The following CLCN6 variants were observed in gnomAD, a reference collection of about 807,000 sequenced individuals.
CLCN6 encodes H(+)/Cl(-) exchange transporter 6.
In CLCN6, 70 loss-of-function variants were observed where a neutral mutation model predicts 109.8. That is an observed-to-expected ratio of 0.64 (90% CI 0.53 to 0.78). The LOEUF is 0.78. Ranked by LOEUF, CLCN6 falls within the 30% of genes least tolerant of loss-of-function variation. The pLI, the probability that CLCN6 is intolerant of heterozygous loss-of-function variation, is 0.00. For missense variants in CLCN6, 984 were observed against 1,142.3 expected (o/e 0.86, Z 2.00); for synonymous variants, 444 against 447.8 (o/e 0.99, Z 0.11).
chr1:11,829,154 C>T, intron 12 of CLCN6, 42 bp from the exon 13 acceptor site: 1 of 1,601,914 alleles, frequency 6.2e-7, no homozygotes, highest in Non-Finnish European at 8.5e-7. Context: ...GAGACCAGAG[C>T]TTCTTTCTGT....
chr1:11,829,166 G>A (rs201000934), intron 12 of CLCN6, 30 bp from the exon 13 acceptor site: 114 of 1,606,262 alleles, frequency 7.1e-5, no homozygotes, highest in Non-Finnish European at 9.6e-5. Context: ...TCTTTCTGTG[G>A]CGTTGTAACA....
At chr1:11,808,851 C>CTT (rs201225126) in intron 2 of CLCN6, among the ~76,000 whole-genome samples, 1 of 150,836 alleles carries the variant, frequency 6.6e-6, no homozygotes, top group Non-Finnish European at 1.5e-5. Context: ...TGTTCTATTT[C>CTT]TTTTTTTTTC....
In CLCN6 at chr1:11,843,025, A is replaced by C. The variant is rs1465351610; in HGVS notation, c.*2802A>C. On this transcript the variant is annotated 3_prime_UTR_variant, in exon 23 of 23. Coordinates refer to ENST00000346436, the MANE Select transcript of CLCN6 (RefSeq NM_001286.5). ...GTTAGCTAATTCCACTGTGTATATA[A>C]ATTGTATTTTTTTTAATTTGTAAAA... The C allele has an allele frequency of 6.6e-6, 1 of 152,152 alleles. No individual in the cohort carries two copies. Among genetic ancestry groups the C allele is most frequent in the Non-Finnish European group, 1.5e-5 (1 of 68,032 alleles). The allele number at this position is 152,152 out of a possible 1,614,324, so 9.4% of individuals were successfully genotyped here.
intron 10 of CLCN6, among the ~76,000 whole-genome samples, chr1:11,827,644 G>A (rs1570531855): frequency 8.6e-6 from 1 of 116,296 alleles, no homozygotes; most frequent in Non-Finnish European, 1.9e-5. Context: ...GACATCAGGT[G>A]ATCCACCCGC....
At chr1:11,840,083 C>T (rs1457048132) in intron 22 of CLCN6, 60 bp from the exon 23 acceptor site, 13 of 1,398,320 alleles carry the variant, frequency 9.3e-6, no homozygotes, top group Non-Finnish European at 1.3e-5. Context: ...GCTCCTGTCA[C>T]TCCTGTTCTC....
At chr1:11,810,404 C>T (rs1644582476) in intron 2 of CLCN6, among the ~76,000 whole-genome samples, 2 of 152,140 alleles carry the variant, frequency 1.3e-5, no homozygotes, top group African/African-American at 4.8e-5. Context: ...ACACTCAGAA[C>T]GTAAGACTTA....
rs1454385418 is a variant in CLCN6 at position 11,833,607 on chromosome 1, G to A, written c.1341G>A (p.Glu447=). 6.2e-7 allele frequency: 1 copy of A among 1,613,892 alleles called. No individual in the cohort carries two copies. The highest frequency in any genetic ancestry group is 1.3e-5 in the African/African-American group (1 of 75,042). ...CCACACTCTTCTTCAACCCGCAGGA[G>A]TCTGCCATCCTCCAGCTCTTCCACC... ...DMATLFFNPQ[E]SAILQLFHQD... Residue 447 remains glutamate (E), a synonymous_variant, in exon 14 of 23, where the codon GAG becomes GAA. Transcript: ENST00000346436.
At chr1:11,818,120 AAAAAG>A (rs1249344374) in intron 4 of CLCN6, among the ~76,000 whole-genome samples, 5 of 152,268 alleles carry the variant, frequency 3.3e-5, no homozygotes, top group African/African-American at 1.2e-4. Flanking sequence ...AAAAATTAAA[AAAAAG>A]AAATCTCAGG....
chr1:11,822,878 A>G, intron 6 of CLCN6, 77 bp downstream of exon 6: 1 of 919,110 alleles, frequency 1.1e-6, no homozygotes, highest in South Asian at 1.3e-5. Context: ...TCCTTCCAGA[A>G]TGTCAGGAAA....
intron 2 of CLCN6, among the ~76,000 whole-genome samples, chr1:11,810,222 A>G (rs34994762): frequency 0.03 from 4,534 of 152,230 alleles, 86 homozygotes; most frequent in Non-Finnish European, 0.04. Flanking sequence ...TTGACTCTTT[A>G]TTTGATAAAT....
Position 11,827,196 on chromosome 1 carries a change from G to A in CLCN6, c.815G>A (p.Trp272Ter). ...LFSLEEGSSF[W>*]NQGLTWKVLF... is the part of the protein sequence containing the mutation. ...AGTCTAGAGGAGGGTTCGTCCTTCTGGAACCAAGGGCTCACGTGGAAAGTG... is the reference window on the plus strand; with the variant it reads ...AGTCTAGAGGAGGGTTCGTCCTTCTAGAACCAAGGGCTCACGTGGAAAGTG... Residue 272 changes from tryptophan to a stop codon, truncating the protein, a stop_gained, in exon 10 of 23, where the codon TGG becomes TAG. Coordinates refer to ENST00000346436, the MANE Select transcript of CLCN6 (RefSeq NM_001286.5). LOFTEE classifies it high-confidence loss of function. 1 of 1,612,942 alleles carries A rather than the reference G, an allele frequency of 6.2e-7. No individual in the cohort carries two copies. The highest frequency in any genetic ancestry group is 8.5e-7 in the Non-Finnish European group (1 of 1,179,354).
intron 18 of CLCN6, 62 bp from the exon 19 acceptor site, chr1:11,836,937 T>TC (rs2100658128): frequency 1.3e-6 from 2 of 1,580,402 alleles, no homozygotes; most frequent in Non-Finnish European, 1.7e-6. Flanking sequence ...ATCCTTAAGC[T>TC]CCATCAGTAC....
At chr1:11,816,061 T>C in intron 3 of CLCN6, 150 bp downstream of exon 3, 1 of 621,826 alleles carries the variant, frequency 1.6e-6, no homozygotes, top group Non-Finnish European at 2.8e-6. Flanking sequence ...TGCGCTTTGC[T>C]TTATTTCACC....
intron 2 of CLCN6, among the ~76,000 whole-genome samples, chr1:11,811,914 A>G (rs1368226805): frequency 6.6e-6 from 1 of 152,196 alleles, no homozygotes; most frequent in East Asian, 1.9e-4. Flanking sequence ...CATATTTTGG[A>G]TGAAGGCAAG....
chr1:11,830,551 C>T (rs965413631), intron 13 of CLCN6, among the ~76,000 whole-genome samples: 2 of 151,670 alleles, frequency 1.3e-5, no homozygotes, highest in Non-Finnish European at 2.9e-5. Context: ...CATTTTATAT[C>T]TGGGACTTGA....
intron 21 of CLCN6, 33 bp from the exon 22 acceptor site, chr1:11,838,502 T>A (rs1469178012): frequency 6.2e-7 from 1 of 1,606,636 alleles, no homozygotes; most frequent in African/African-American, 1.3e-5. Context: ...CGTTGGCGTC[T>A]CAGGCAGTCA....
chr1:11,820,505 G>T (rs915368323), intron 5 of CLCN6: 78 of 604,380 alleles, frequency 1.3e-4, no homozygotes, highest in Non-Finnish European at 2.2e-4. Flanking sequence ...AGTGGCTCAC[G>T]CCTGTAATCC....
At position 11,810,842 on chromosome 1, in the gene CLCN6, G is replaced by A. The variant is rs148782014; in HGVS notation, c.147+3652G>A. Among the ~76,000 whole-genome samples the A allele has an allele frequency of 7.2e-4, 109 of 152,276 alleles. 1 individual carries two copies. The East Asian group carries it at 0.02, about 29-fold the overall frequency. The stretch of plus-strand genomic sequence containing the variant: ...GCACTTTGGGAGGCCAAGGCAGGAG[G>A]ATCGCTTAAAGCCAGGAGTTCAAGA... On this transcript the variant is annotated intron_variant, in intron 2 of 22. Transcript: ENST00000346436.
At position 11,823,709 on chromosome 1, in the gene CLCN6, G is replaced by A. The variant is rs755607059; in HGVS notation, c.456G>A (p.Pro152=). The A allele has an allele frequency of 1.1e-5, 17 of 1,614,048 alleles. No individual in the cohort carries two copies. The highest frequency in any genetic ancestry group is 5.0e-5 in the Admixed American group (3 of 60,008). ...GTGTGCCTGCTCTCCTCCATCAGCC[G>A]GTGGCAGCAGGTTCCGGGATACCCG... ...FLASLLVLIE[P]VAAGSGIPEV... Residue 152 remains proline (P), a splice_region_variant and synonymous_variant, in exon 7 of 23, where the codon CCG becomes CCA. Transcript: ENST00000346436.
Sources: allele counts gnomAD v4.1 joint callset (sites outside exome capture counted in the v4.1 genomes callset), GRCh38; gene constraint gnomAD v4.1.1; transcripts MANE v1.5; gene names NCBI Gene and HGNC (gene_info 2026-07-23, HGNC 2026-07-21).